The following TTF1 variants were observed in gnomAD, a reference collection of about 807,000 sequenced individuals.
TTF1 encodes transcription termination factor, RNA polymerase I.
A neutral mutation model predicts 80.2 loss-of-function variants in TTF1; 64 were observed. The ratio of observed to expected loss-of-function variants is 0.80; its 90% CI spans 0.65 to 0.98. The LOEUF (loss-of-function observed/expected upper bound fraction) is 0.98. Ranked by LOEUF, TTF1 falls within the 50% of genes least tolerant of loss-of-function variation. TTF1 has a pLI of 0.00. For missense variants in TTF1, 1,023 were observed against 1,086.2 expected, an observed-to-expected ratio of 0.94 and a Z score of 0.82; for synonymous variants, 372 against 382.7, an observed-to-expected ratio of 0.97 and a Z score of 0.33.
intron 3 of TTF1, 50 bp downstream of exon 3, chr9:132,399,985 T>C (rs1849730148): frequency 6.3e-7 from 1 of 1,585,390 alleles, no homozygotes; most frequent in Non-Finnish European, 8.7e-7. Flanking sequence ...AGTTAGGTGC[T>C]AGCTCTGCAT....
intron 1 of TTF1, among the ~76,000 whole-genome samples, chr9:132,405,366 C>G (rs1360440801): frequency 6.6e-6 from 1 of 152,224 alleles, no homozygotes; most frequent in Non-Finnish European, 1.5e-5. Context: ...AGCCACCAAG[C>G]CTGGCTAATC....
chr9:132,390,621 T>C lies in TTF1; in HGVS notation c.2198A>G (p.Asn733Ser), dbSNP rs1849542394. 4.3e-6 allele frequency: 7 copies of C among 1,614,176 alleles called. 1 individual carries two copies. The highest frequency in any genetic ancestry group is 1.3e-5 in the African/African-American group (1 of 75,046). ...CCACTTACTTTTACACTGCATCCAA[T>C]TTCTGGTTTGCACTTTAGCTTCTAC... ...VEVEAKVQTR[N>S]WMQCKSKWTE... Residue 733 changes from asparagine (N) to serine (S), a missense_variant, in exon 7 of 11, where the codon AAT becomes AGT. Coordinates refer to ENST00000334270, the MANE Select transcript of TTF1 (RefSeq NM_007344.4).
intron 6 of TTF1, among the ~76,000 whole-genome samples, chr9:132,391,857 C>A (rs1325190317): frequency 6.6e-6 from 1 of 152,204 alleles, no homozygotes; most frequent in Non-Finnish European, 1.5e-5. Flanking sequence ...CGGACAGTTA[C>A]TGAAGTGTGG....
chr9:132,386,472 G>A (rs1849470574), intron 9 of TTF1, 84 bp downstream of exon 9: 2 of 1,114,234 alleles, frequency 1.8e-6, no homozygotes, highest in Non-Finnish European at 2.7e-6. Flanking sequence ...ATCATTATCA[G>A]CCCTGTAAGA....
intron 9 of TTF1, among the ~76,000 whole-genome samples, chr9:132,381,660 A>G (rs1049994110): frequency 2.6e-5 from 4 of 152,184 alleles, no homozygotes; most frequent in Non-Finnish European, 5.9e-5. Flanking sequence ...CCTGCCCCTC[A>G]GATGAGCTAG....
At chr9:132,385,033 C>T (rs1849435297) in intron 9 of TTF1, among the ~76,000 whole-genome samples, 1 of 152,192 alleles carries the variant, frequency 6.6e-6, no homozygotes, top group African/African-American at 2.4e-5. Context: ...ACAGTCAAGT[C>T]CTTTTTCCTT....
rs1441274936 is a variant in TTF1, at chr9:132,400,015, C to T, written c.1591+20G>A. The stretch of plus-strand genomic sequence containing the variant: ...CTGCATACAGGAAGTTCAACAAACA[C>T]TAAGGCCCCACAAGCTCACCTTGTG... On this transcript the variant is annotated intron_variant, in intron 3 of 10. Coordinates refer to ENST00000334270, the MANE Select transcript of TTF1 (RefSeq NM_007344.4). 2 of 1,613,772 alleles carry T rather than the reference C, an allele frequency of 1.2e-6. No homozygotes were observed. The highest frequency in any genetic ancestry group is 1.7e-5 in the Admixed American group (1 of 60,028).
In TTF1 at chr9:132,402,096, T is replaced by G; in HGVS notation, c.726A>C (p.Ala242=). Reference sequence around the variant, plus strand: ...GCATATCAGTCCCGGCCTCTCTGCCTGCTTGCGATCCTTCAGGCATGGCCA... The same window carrying G: ...GCATATCAGTCCCGGCCTCTCTGCCGGCTTGCGATCCTTCAGGCATGGCCA... ...ETLAMPEGSQ[A]GREAGTDMQE... is the part of the protein sequence containing the mutation. The change falls in exon 2 of 11, where the codon GCA becomes GCC. Residue 242 remains alanine (A), a synonymous_variant. Transcript: ENST00000334270. 3.1e-6 allele frequency: 5 copies of G among 1,614,038 alleles called. No homozygotes were observed. In the South Asian group the frequency reaches 5.5e-5, roughly 18 times the overall value.
chr9:132,377,373 G>GGT (rs548396986), intron 10 of TTF1, among the ~76,000 whole-genome samples: 2 of 131,450 alleles, frequency 1.5e-5, no homozygotes, highest in East Asian at 2.5e-4. Context: ...GAGTGCATGT[G>GGT]GTGTGTGTGA....
intron 4 of TTF1, among the ~76,000 whole-genome samples, chr9:132,397,573 G>A (rs539131890): frequency 3.3e-4 from 51 of 152,318 alleles, no homozygotes; most frequent in Non-Finnish European, 6.0e-4. Flanking sequence ...AACAGGAGGA[G>A]AAACCAAAAC....
rs770274039 is a variant in TTF1, at chr9:132,401,741, A to G, written c.1081T>C (p.Ser361Pro). Residue 361 changes from serine to proline, a missense_variant, in exon 2 of 11, where the codon TCA (serine) becomes CCA (proline). Physicochemically the swap from Ser to Pro is moderately conservative, Grantham distance 74. Transcript: ENST00000334270. ...GTCCCAACCTCACTGCCCACCTGTG[A>G]TCCTTCAGGGTATGCACTCTCGAGG... is the stretch of plus-strand genomic sequence containing the variant. ...ESLESAYPEGSQVGSEVGTVE... is the reference protein window; with the variant it reads ...ESLESAYPEGPQVGSEVGTVE... 1 of 1,614,208 alleles carries G rather than the reference A, an allele frequency of 6.2e-7. No homozygotes were observed. The highest frequency in any genetic ancestry group is 1.7e-5 in the Admixed American group (1 of 60,032).
At chr9:132,393,218 T>G (rs1849589252) in intron 5 of TTF1, among the ~76,000 whole-genome samples, 1 of 152,190 alleles carries the variant, frequency 6.6e-6, no homozygotes, top group African/African-American at 2.4e-5. Flanking sequence ...TGTAACTACT[T>G]GAGAAATGTA....
chr9:132,377,688 GGT>G (rs138099361), intron 10 of TTF1, among the ~76,000 whole-genome samples: 1 of 43,426 alleles, frequency 2.3e-5, no homozygotes, highest in African/African-American at 8.3e-5. Flanking sequence ...GAATGCATGT[GGT>G]GTGAGTGCAT....
chr9:132,402,952 C>G (rs1052568056), intron 1 of TTF1, 124 bp from the exon 2 acceptor site: 6 of 947,064 alleles, frequency 6.3e-6, no homozygotes, highest in Non-Finnish European at 9.0e-6. Flanking sequence ...GCCTCCTGGG[C>G]TCATGCCATT....
intron 6 of TTF1, among the ~76,000 whole-genome samples, chr9:132,391,725 C>T (rs556769474): frequency 1.2e-4 from 18 of 152,218 alleles, no homozygotes; most frequent in South Asian, 2.1e-4. Context: ...CTGACGGGCA[C>T]GAACTGCGTG....
At position 132,384,153 on chromosome 9, in the gene TTF1, G is replaced by A. The variant is rs566538262; in HGVS notation, c.2378+2403C>T. On this transcript the variant is annotated intron_variant, in intron 9 of 10. Transcript: ENST00000334270. This position sits in a 1 kb window ranked among gnomAD's most constrained non-coding sequence, Gnocchi z 4.1. ...GCTGGATTTTGACAGTTGCTGAACTGGGGTGATGGGTACATGAAGCTTCAT... is the reference window on the plus strand; with the variant it reads ...GCTGGATTTTGACAGTTGCTGAACTAGGGTGATGGGTACATGAAGCTTCAT... Among the ~76,000 whole-genome samples, 2 of 152,256 alleles carry A rather than the reference G, an allele frequency of 1.3e-5. No homozygotes were observed. Among genetic ancestry groups the A allele is most frequent in the South Asian group, 2.1e-4 (1 of 4,826 alleles).
At position 132,375,837 on chromosome 9, in the gene TTF1, C is replaced by T; in HGVS notation, c.*78G>A. 1 of 861,130 alleles carries T rather than the reference C, an allele frequency of 1.2e-6. No individual in the cohort carries two copies. Among genetic ancestry groups the T allele is most frequent in the Non-Finnish European group, 1.8e-6 (1 of 556,948 alleles). The allele number at this position is 861,130 out of a possible 1,614,324, so 53.3% of individuals were successfully genotyped here. A position where few individuals can be genotyped will look rare whatever the true frequency, so the allele number is the denominator to read the frequency against. ...AGTTGAAATTACAGGTGTGCACTAC[C>T]ACACCCGGCTAATTTTTGCATTTTT... On this transcript the variant is annotated 3_prime_UTR_variant, in exon 11 of 11. Coordinates refer to ENST00000334270, the MANE Select transcript of TTF1 (RefSeq NM_007344.4).
At chr9:132,399,939 T>C in intron 3 of TTF1, 96 bp downstream of exon 3, 3 of 1,302,480 alleles carry the variant, frequency 2.3e-6, no homozygotes, top group East Asian at 2.3e-5. Flanking sequence ...AGAATGCTTC[T>C]TGTCGATCTA....
At chr9:132,382,674 G>GCCC (rs908961290) in intron 9 of TTF1, among the ~76,000 whole-genome samples, 1 of 151,406 alleles carries the variant, frequency 6.6e-6, no homozygotes, top group African/African-American at 2.4e-5. Flanking sequence ...GCTCACGTCT[G>GCCC]TAATCCCAGC....
Sources: gnomAD v4.1 joint callset for allele counts (sites outside exome capture counted in the v4.1 genomes callset) on GRCh38, gnomAD v4.1.1 for gene constraint, Gnocchi (gnomAD v3.1) non-coding constraint, MANE v1.5 for transcripts, NCBI Gene and HGNC (gene_info 2026-07-23, HGNC 2026-07-21) for gene names.